Variants in ARHGEF38 observed in about 807,000 individuals in gnomAD.
ARHGEF38 encodes the protein Rho guanine nucleotide exchange factor (GEF) 38.
A neutral mutation model predicts 79.9 loss-of-function variants in ARHGEF38; 79 were observed. The observed-to-expected ratio is 0.99, with a 90% CI of 0.82 to 1.19. ARHGEF38 has a LOEUF of 1.19. ARHGEF38 is among the 50% of genes most tolerant of loss of function. The pLI is 0.00. For missense variants in ARHGEF38, 962 were observed against 907.2 expected (o/e 1.06, Z -0.78); for synonymous variants, 366 against 328.3 (o/e 1.11, Z -1.24).
intron 9 of ARHGEF38, 85 bp from the exon 10 acceptor site, chr4:105,658,969 G>A (rs1730449546): frequency 2.5e-6 from 3 of 1,198,978 alleles, no homozygotes; most frequent in East Asian, 2.6e-5. Flanking sequence ...TCTCGTGGGG[G>A]AAAAGGTAAA....
At chr4:105,609,948 G>T (rs1422032932) in intron 2 of ARHGEF38, among the ~76,000 whole-genome samples, 1 of 152,034 alleles carries the variant, frequency 6.6e-6, no homozygotes, top group East Asian at 1.9e-4. Context: ...CAAAGACATA[G>T]AATCAACCCA....
chr4:105,613,001 G>T (rs999234603), intron 2 of ARHGEF38, among the ~76,000 whole-genome samples: 62 of 152,098 alleles, frequency 4.1e-4, no homozygotes, highest in African/African-American at 1.4e-3. Flanking sequence ...TTTGAAAATC[G>T]TTACTTGCCT....
intron 5 of ARHGEF38, among the ~76,000 whole-genome samples, chr4:105,644,858 T>C (rs73837086): frequency 0.037 from 5,586 of 152,284 alleles, 347 homozygotes; most frequent in African/African-American, 0.12. Context: ...GTTGTCATGG[T>C]AAAATACGTT....
chr4:105,643,123 T>C lies in ARHGEF38; in HGVS notation c.675-2065T>C, dbSNP rs371901930. ...CATCAGTTAGAAAATATCTTTTGGG[T>C]TTTTTGTTAGTTTTTTTTTTTCAGT... On this transcript the variant is annotated intron_variant, in intron 5 of 13. Transcript: ENST00000420470. 6.0e-5 allele frequency among the ~76,000 whole-genome samples: 9 copies of C among 150,952 alleles called. No individual in the cohort carries two copies. In the East Asian group the frequency reaches 1.7e-3, roughly 29 times the overall value.
chr4:105,656,631 A>T (rs1020629211), intron 9 of ARHGEF38, among the ~76,000 whole-genome samples: 1 of 152,204 alleles, frequency 6.6e-6, no homozygotes, highest in Admixed American at 6.5e-5. Context: ...TAGTATTTCA[A>T]GAATTATAGA....
At chr4:105,601,754 CA>C (rs1399396358) in intron 2 of ARHGEF38, among the ~76,000 whole-genome samples, 1 of 152,078 alleles carries the variant, frequency 6.6e-6, no homozygotes, top group African/African-American at 2.4e-5. Context: ...ATGCTTACAC[CA>C]GAAGGCCCTT....
chr4:105,659,553 G>A (rs995118044), intron 10 of ARHGEF38, among the ~76,000 whole-genome samples, 188 bp downstream of exon 10: 1 of 152,164 alleles, frequency 6.6e-6, no homozygotes, highest in African/African-American at 2.4e-5. Flanking sequence ...AACTCAAAGA[G>A]GGTTTCCTAG....
chr4:105,610,872 C>T (rs1489637469), intron 2 of ARHGEF38, among the ~76,000 whole-genome samples: 1 of 151,964 alleles, frequency 6.6e-6, no homozygotes, highest in Admixed American at 6.6e-5. Context: ...AGGAAACTGA[C>T]CTCGGGAAAT....
intron 10 of ARHGEF38, among the ~76,000 whole-genome samples, chr4:105,664,178 A>G (rs774797795): frequency 2.0e-5 from 3 of 152,246 alleles, no homozygotes; most frequent in Admixed American, 6.5e-5. Flanking sequence ...TTGCTGAATC[A>G]TATGGTAACT....
intron 7 of ARHGEF38, among the ~76,000 whole-genome samples, chr4:105,652,088 G>C (rs959533625): frequency 3.3e-5 from 5 of 152,196 alleles, no homozygotes; most frequent in Admixed American, 1.3e-4. Flanking sequence ...TTTGGGAAAT[G>C]TAGTCTCTAG....
chr4:105,669,937 TGA>T (rs1730903914), intron 13 of ARHGEF38, among the ~76,000 whole-genome samples: 1 of 152,180 alleles, frequency 6.6e-6, no homozygotes, highest in African/African-American at 2.4e-5. Flanking sequence ...CAAAATTTAT[TGA>T]GAGTCTTTCA....
chr4:105,557,245 C>A lies in ARHGEF38; in HGVS notation c.196+4284C>A, dbSNP rs537523122. ...TATATATGTGTGTATATATATATAT[C>A]TCCAGTATGTAGATATAGATATACA... On this transcript the variant is annotated intron_variant, in intron 1 of 13. Coordinates refer to ENST00000420470, the MANE Select transcript of ARHGEF38 (RefSeq NM_001242729.2). Among the ~76,000 whole-genome samples the A allele has an allele frequency of 4.1e-4, 62 of 151,978 alleles. 1 individual carries two copies. In the South Asian group the frequency reaches 0.012, roughly 29 times the overall value.
Position 105,604,506 on chromosome 4 carries a change from TC to T in ARHGEF38, c.385-8876del, listed in dbSNP as rs1284881910. Among the ~76,000 whole-genome samples the T allele has an allele frequency of 2.0e-5, 3 of 152,304 alleles. No individual in the cohort carries two copies. The East Asian group carries it at 5.8e-4, about 29-fold the overall frequency. On this transcript the variant is annotated intron_variant, in intron 2 of 13. Coordinates refer to ENST00000420470, the MANE Select transcript of ARHGEF38 (RefSeq NM_001242729.2). ...TTTTCCTTTCTTTTGCAAAAGCATT[TC>T]CTCATTTTTCAAATTATTTTCAGTG...
At chr4:105,666,609 A>C (rs566601251) in intron 11 of ARHGEF38, among the ~76,000 whole-genome samples, 1 of 152,300 alleles carries the variant, frequency 6.6e-6, no homozygotes, top group South Asian at 2.1e-4. Flanking sequence ...AGATTTTATA[A>C]AGATAAATCA....
intron 1 of ARHGEF38, chr4:105,563,157 C>T (rs1725720747): frequency 6.6e-6 from 1 of 152,192 alleles, no homozygotes; most frequent in African/African-American, 2.4e-5. Flanking sequence ...CGGGTGCTAA[C>T]ATGGCATCCA....
chr4:105,602,689 G>A (rs1429802881), intron 2 of ARHGEF38, among the ~76,000 whole-genome samples: 1 of 152,026 alleles, frequency 6.6e-6, no homozygotes, highest in African/African-American at 2.4e-5. Flanking sequence ...CCCACTCCAG[G>A]GCTCACGCTT....
At chr4:105,664,370 C>T (rs1442634839) in intron 10 of ARHGEF38, among the ~76,000 whole-genome samples, 1 of 152,154 alleles carries the variant, frequency 6.6e-6, no homozygotes, top group Non-Finnish European at 1.5e-5. Context: ...AGATGATTCT[C>T]TTGGTATTTA....
chr4:105,631,254 T>C lies in ARHGEF38; in HGVS notation c.656+209T>C, dbSNP rs1231407026. On this transcript the variant is annotated intron_variant, in intron 4 of 13. Coordinates refer to ENST00000420470, the MANE Select transcript of ARHGEF38 (RefSeq NM_001242729.2). ...CCTGCGAGAATGACTAAAAATAACATGGAAGAAGATTTAGAGCTCTGCAGC... is the reference window on the plus strand; with the variant it reads ...CCTGCGAGAATGACTAAAAATAACACGGAAGAAGATTTAGAGCTCTGCAGC... The C allele has an allele frequency of 4.0e-6, 5 of 1,238,152 alleles. No individual in the cohort carries two copies. In the East Asian group the frequency reaches 1.0e-4, roughly 26 times the overall value. 76.7% of individuals were successfully genotyped at this position (1,238,152 alleles called of 1,614,324 possible).
intron 3 of ARHGEF38, among the ~76,000 whole-genome samples, chr4:105,613,811 T>A (rs1369876359): frequency 6.6e-6 from 1 of 152,170 alleles, no homozygotes; most frequent in Non-Finnish European, 1.5e-5. Context: ...ACTTACTTGA[T>A]CCTTAAAGAA....
Sources: gnomAD v4.1 joint callset for allele counts (sites outside exome capture counted in the v4.1 genomes callset) on GRCh38, gnomAD v4.1.1 for gene constraint, MANE v1.5 for transcripts, NCBI Gene and HGNC (gene_info 2026-07-23, HGNC 2026-07-21) for gene names.